Variants in DNM1 observed in about 807,000 individuals in gnomAD.
The protein encoded by DNM1 is dynamin 1.
In DNM1, 29 loss-of-function variants were observed where a neutral mutation model predicts 104.6. The ratio of observed to expected loss-of-function variants is 0.28; its 90% CI spans 0.21 to 0.38. DNM1 has a LOEUF of 0.38. Ranked by LOEUF, DNM1 falls within the 10% of genes least tolerant of loss-of-function variation. DNM1 has a pLI of 1.00. For missense variants in DNM1, 640 were observed against 1,189.4 expected, an observed-to-expected ratio of 0.54 and a Z score of 6.79; for synonymous variants, 445 against 475.8, an observed-to-expected ratio of 0.94 and a Z score of 0.84.
intron 21 of DNM1, chr9:128,251,201 G>A (rs1469900074): frequency 2.0e-5 from 13 of 661,200 alleles, no homozygotes; most frequent in Middle Eastern, 3.7e-4. Context: ...CTTCTTTCCA[G>A]CACTTGCATG....
chr9:128,243,529 C>T lies in DNM1; in HGVS notation c.1671+1184C>T, dbSNP rs939989294. Among the ~76,000 whole-genome samples, 2 of 152,154 alleles carry T rather than the reference C, an allele frequency of 1.3e-5. No homozygotes were observed. Among genetic ancestry groups the T allele is most frequent in the South Asian group, 2.1e-4 (1 of 4,830 alleles). On this transcript the variant is annotated intron_variant, in intron 15 of 21. Transcript: ENST00000372923. This position sits in a 1 kb window ranked among gnomAD's most constrained non-coding sequence, Gnocchi z 4.0. ...GGCCCTCTGTCGTCACTGGCGGGGG[C>T]GCCAAGCCATCTGGACCTCATTACC...
chr9:128,247,289 T>C lies in DNM1; in HGVS notation c.1782-86T>C. The C allele has an allele frequency of 1.2e-6, 1 of 863,994 alleles. No homozygotes were observed. Among genetic ancestry groups the C allele is most frequent in the Non-Finnish European group, 1.8e-6 (1 of 541,966 alleles). 53.5% of individuals were successfully genotyped at this position (863,994 alleles called of 1,614,324 possible). ...GGGAAATGAGCTGGCCTCAGGCATGTTGACCCCAAAGTCTGGGCATGCCCT... is the reference window on the plus strand; with the variant it reads ...GGGAAATGAGCTGGCCTCAGGCATGCTGACCCCAAAGTCTGGGCATGCCCT... On this transcript the variant is annotated intron_variant, in intron 16 of 21. Transcript: ENST00000372923. The surrounding 1 kb of genome is among the most constrained non-coding windows in gnomAD (Gnocchi z 5.1).
At chr9:128,246,576 G>T in intron 16 of DNM1, 73 bp downstream of exon 16, 1 of 1,155,882 alleles carries the variant, frequency 8.7e-7, no homozygotes. Flanking sequence ...TGGGTACAGG[G>T]ATCCAGGGAG....
chr9:128,214,978 C>G (rs1834519564), intron 1 of DNM1, among the ~76,000 whole-genome samples: 1 of 152,232 alleles, frequency 6.6e-6, no homozygotes, highest in Admixed American at 6.5e-5. Context: ...GACAGTGTGT[C>G]CAGGTGAAAG....
At chr9:128,219,930 T>G in intron 4 of DNM1, 58 bp from the exon 5 acceptor site, 1 of 1,394,232 alleles carries the variant, frequency 7.2e-7, no homozygotes, top group South Asian at 1.4e-5. Flanking sequence ...TGGGAGTGCA[T>G]GGAATTGTGT....
chr9:128,211,864 T>C (rs1165252966), intron 1 of DNM1, among the ~76,000 whole-genome samples: 1 of 152,214 alleles, frequency 6.6e-6, no homozygotes, highest in African/African-American at 2.4e-5. Context: ...GCCCGTTGCC[T>C]TGGGCTCAGA....
In DNM1 at chr9:128,222,515, T is replaced by C; in HGVS notation, c.1047T>C (p.Asp349=). 1.2e-6 allele frequency: 2 copies of C among 1,614,142 alleles called. No homozygotes were observed. The highest frequency in any genetic ancestry group is 1.7e-6 in the Non-Finnish European group (2 of 1,180,028). The change falls in exon 8 of 22, where the codon GAT becomes GAC. Residue 349 remains aspartate (D), a synonymous_variant. Coordinates refer to ENST00000372923, the MANE Select transcript of DNM1 (RefSeq NM_004408.4). The surrounding 1 kb of genome is among the most constrained non-coding windows in gnomAD (Gnocchi z 7.8). The part of the protein sequence containing the change: ...DFEKRIEGSG[D]QIDTYELSGG... ...AGAAGCGCATTGAGGGCTCAGGAGA[T>C]CAGATCGACACCTACGAACTGTCAG...
chr9:128,229,115 A>G (rs1247015023), intron 10 of DNM1, among the ~76,000 whole-genome samples: 1 of 152,168 alleles, frequency 6.6e-6, no homozygotes, highest in Non-Finnish European at 1.5e-5. Flanking sequence ...AAATGTTTAT[A>G]TAGGCTGGGC....
Position 128,239,789 on chromosome 9 carries a change from GC to G in DNM1, c.1545+13del, listed in dbSNP as rs1342559255. ...GACTTCAGGGAACCAGGTGAGTGGG[GC>G]CCAGCACCCCAGCCCGAGGGATGGA... On this transcript the variant is annotated intron_variant, in intron 13 of 21. Transcript: ENST00000372923. 1 of 1,612,878 alleles carries G rather than the reference GC, an allele frequency of 6.2e-7. No homozygotes were observed. The highest frequency in any genetic ancestry group is 1.7e-5 in the Admixed American group (1 of 59,940).
In DNM1 at chr9:128,240,652, TGG is replaced by T. The variant is rs1836307976; in HGVS notation, c.1557+657_1557+658del. On this transcript the variant is annotated intron_variant, in intron 14 of 21. Coordinates refer to ENST00000372923, the MANE Select transcript of DNM1 (RefSeq NM_004408.4). This position sits in a 1 kb window ranked among gnomAD's most constrained non-coding sequence, Gnocchi z 5.1. ...AAATCCTCAGCTCAAGCCCCTAGCCTGGCACGCAGTAGGTGCTCAACAGAATG... is the reference window on the plus strand; with the variant it reads ...AAATCCTCAGCTCAAGCCCCTAGCCTCACGCAGTAGGTGCTCAACAGAATG... 1 of 152,672 alleles carries T rather than the reference TGG, an allele frequency of 6.5e-6. No individual in the cohort carries two copies. Among genetic ancestry groups the T allele is most frequent in the Non-Finnish European group, 1.5e-5 (1 of 68,410 alleles). The allele number at this position is 152,672 out of a possible 1,614,324, so 9.5% of individuals were successfully genotyped here.
intron 21 of DNM1, 159 bp downstream of exon 21, chr9:128,251,099 GA>G: frequency 3.0e-6 from 2 of 657,708 alleles, no homozygotes; most frequent in Non-Finnish European, 5.4e-6. Context: ...ACGTGTGGCC[GA>G]GGGCTGGCGG....
Position 128,243,454 on chromosome 9 carries a change from C to T in DNM1, c.1671+1109C>T, listed in dbSNP as rs970388468. Among the ~76,000 whole-genome samples, 1 of 152,196 alleles carries T rather than the reference C, an allele frequency of 6.6e-6. No homozygotes were observed. Among genetic ancestry groups the T allele is most frequent in the African/African-American group, 2.4e-5 (1 of 41,452 alleles). On this transcript the variant is annotated intron_variant, in intron 15 of 21. Coordinates refer to ENST00000372923, the MANE Select transcript of DNM1 (RefSeq NM_004408.4). This position sits in a 1 kb window ranked among gnomAD's most constrained non-coding sequence, Gnocchi z 4.0. ...TCCAAGCCCCCTCCCAGGTCCCTGT[C>T]TCCTCCAAGTTTGTCCTGGGCAGGG... is the stretch of plus-strand genomic sequence containing the variant.
Position 128,253,333 on chromosome 9 carries a change from C to A in DNM1, c.2535-1321C>A. 1.7e-6 allele frequency: 1 copy of A among 605,734 alleles called. No individual in the cohort carries two copies. The highest frequency in any genetic ancestry group is 2.9e-6 in the Non-Finnish European group (1 of 340,086). 37.5% of individuals were successfully genotyped at this position (605,734 alleles called of 1,614,324 possible). A position where few individuals can be genotyped will look rare whatever the true frequency, so the allele number is the denominator to read the frequency against. On this transcript the variant is annotated intron_variant, in intron 21 of 21. Transcript: ENST00000372923. The surrounding 1 kb of genome is among the most constrained non-coding windows in gnomAD (Gnocchi z 5.9). ...TCCCTTCCCTGCGAGCCTCGGGACTCAGTGCCACTGCCCAAGGCCTCCATG... is the reference window on the plus strand; with the variant it reads ...TCCCTTCCCTGCGAGCCTCGGGACTAAGTGCCACTGCCCAAGGCCTCCATG...
Position 128,254,568 on chromosome 9 carries a change from GCC to G in DNM1, c.2535-83_2535-82del, listed in dbSNP as rs986280985. 63 of 1,586,590 alleles carry G rather than the reference GCC, an allele frequency of 4.0e-5. No individual in the cohort carries two copies. Among genetic ancestry groups the G allele is most frequent in the Non-Finnish European group, 5.2e-5 (61 of 1,173,292 alleles). On this transcript the variant is annotated intron_variant, in intron 21 of 21. Coordinates refer to ENST00000372923, the MANE Select transcript of DNM1 (RefSeq NM_004408.4). The surrounding 1 kb of genome is among the most constrained non-coding windows in gnomAD (Gnocchi z 6.1). ...TCCCACCACTGCTGCGGCGCGGCCG[GCC>G]CCGGCCGTGTGCTGCGCTTGCCTTA...
At chr9:128,241,686 C>A (rs1329873099) in intron 14 of DNM1, among the ~76,000 whole-genome samples, 5 of 152,106 alleles carry the variant, frequency 3.3e-5, no homozygotes, top group African/African-American at 1.2e-4. Flanking sequence ...AAGTCGACTT[C>A]AGGGAGTGAT....
At position 128,254,696 on chromosome 9, in the gene DNM1, G is replaced by GC. The variant is rs1244967245; in HGVS notation, c.2583dup (p.Phe862LeufsTer25). On this transcript the variant is annotated frameshift_variant, in exon 22 of 22. Transcript: ENST00000372923. LOFTEE classifies it high-confidence loss of function. This position sits in a 1 kb window ranked among gnomAD's most constrained non-coding sequence, Gnocchi z 6.1. ...GTCCATCCCGTCCTGAGAGCCCCAG[G>GC]CCCCCCTTCGACCTCTAAACAGATC... 5 of 1,596,170 alleles carry GC rather than the reference G, an allele frequency of 3.1e-6. No individual in the cohort carries two copies. In the East Asian group the frequency reaches 6.7e-5, roughly 21 times the overall value.
At position 128,222,916 on chromosome 9, in the gene DNM1, A is replaced by G; in HGVS notation, c.1196+56A>G. The G allele has an allele frequency of 2.6e-6, 4 of 1,554,864 alleles. No homozygotes were observed. The highest frequency in any genetic ancestry group is 3.5e-6 in the Non-Finnish European group (4 of 1,128,132). On this transcript the variant is annotated intron_variant, in intron 9 of 21. Coordinates refer to ENST00000372923, the MANE Select transcript of DNM1 (RefSeq NM_004408.4). The surrounding 1 kb of genome is among the most constrained non-coding windows in gnomAD (Gnocchi z 7.8). ...ACCCCAGAAGTAGGGGGTCTGGGAC[A>G]GAGGCACAGGGAGTGATGAAGTGGG...
In DNM1 at chr9:128,224,368, C is replaced by T. The variant is rs760791151; in HGVS notation, c.1314C>T (p.Thr438=). ...VDMVISELIS[T]VRQCTKKLQQ... ...TGGTTATCTCGGAGCTAATCAGCAC[C>T]GTTAGACAGTGCACCAAGAAGGTAA... Residue 438 remains threonine (T), a synonymous_variant, in exon 10 of 22, where the codon ACC becomes ACT. Transcript: ENST00000372923. The surrounding 1 kb of genome is among the most constrained non-coding windows in gnomAD (Gnocchi z 4.3). The T allele has an allele frequency of 6.2e-6, 10 of 1,612,548 alleles. No homozygotes were observed. The highest frequency in any genetic ancestry group is 2.2e-5 in the South Asian group (2 of 90,856).
rs1476203339 is a variant in DNM1 at position 128,220,726 on chromosome 9, AGTGCGCGCGC to A, written c.849+387_849+396del. 4.5e-5 allele frequency among the ~76,000 whole-genome samples: 6 copies of A among 133,392 alleles called. No individual in the cohort carries two copies. Among genetic ancestry groups the A allele is most frequent in the Non-Finnish European group, 8.2e-5 (5 of 61,210 alleles). The allele number at this position is 133,392 out of a possible 152,430, so 87.5% of individuals were successfully genotyped here. A position where few individuals can be genotyped will look rare whatever the true frequency, so the allele number is the denominator to read the frequency against. ...TCTGGAATGGGGCATCCAGAACTGA[AGTGCGCGCGC>A]GCGCGCGTGTGTGTGTGTGTGTGTG... On this transcript the variant is annotated intron_variant, in intron 6 of 21. Transcript: ENST00000372923. This position sits in a 1 kb window ranked among gnomAD's most constrained non-coding sequence, Gnocchi z 5.2.
Sources: gnomAD v4.1 joint callset for allele counts (sites outside exome capture counted in the v4.1 genomes callset) on GRCh38, gnomAD v4.1.1 for gene constraint, Gnocchi (gnomAD v3.1) non-coding constraint, MANE v1.5 for transcripts, NCBI Gene and HGNC (gene_info 2026-07-23, HGNC 2026-07-21) for gene names.